Variants in SCN2A observed in about 807,000 individuals in gnomAD.
The protein encoded by SCN2A is sodium voltage-gated channel alpha subunit 2.
Under a neutral mutation model 188.7 loss-of-function variants are expected in SCN2A, and 20 were observed. The observed-to-expected ratio is 0.11, with a 90% CI of 0.07 to 0.15. SCN2A has a LOEUF of 0.15. Ranked by LOEUF, SCN2A falls within the 10% of genes least tolerant of loss-of-function variation. The probability of loss-of-function intolerance (pLI) is 1.00; values close to 1 mark genes in which losing one functional copy is unlikely to be tolerated. For missense variants in SCN2A, 1,278 were observed against 2,445.0 expected, an observed-to-expected ratio of 0.52 and a Z score of 10.07; for synonymous variants, 804 against 833.1, an observed-to-expected ratio of 0.97 and a Z score of 0.60.
intron 25 of SCN2A, 28 bp from the exon 26 acceptor site, chr2:165,386,718 T>A (rs1701894196): frequency 6.2e-7 from 1 of 1,604,428 alleles, no homozygotes; most frequent in African/African-American, 1.3e-5. Context: ...AGGTTTCTAA[T>A]GGAACTTTTA....
At chr2:165,345,196 G>T (rs1442318587) in intron 16 of SCN2A, among the ~76,000 whole-genome samples, 1 of 152,138 alleles carries the variant, frequency 6.6e-6, no homozygotes, top group African/African-American at 2.4e-5. Context: ...GCATGGAAGT[G>T]TTACTTAGAA....
chr2:165,374,540 G>T, intron 21 of SCN2A, 145 bp from the exon 22 acceptor site: 1 of 768,070 alleles, frequency 1.3e-6, no homozygotes, highest in Non-Finnish European at 2.1e-6. Context: ...TTCTTAGTTG[G>T]AGCTACCAGA....
In SCN2A at chr2:165,309,392, T is replaced by C. The variant is rs1038389455; in HGVS notation, c.646T>C (p.Leu216=). 7.4e-6 allele frequency: 12 copies of C among 1,613,754 alleles called. No homozygotes were observed. The highest frequency in any genetic ancestry group is 1.0e-5 in the Non-Finnish European group (12 of 1,179,724). ...TGTGGACCTGGGCAATGTCTCAGCG[T>C]TGAGAACATTCAGAGTTCTCCGAGC... ...EFVDLGNVSA[L]RTFRVLRALK... Residue 216 remains leucine, a synonymous_variant, in exon 6 of 27, where the codon TTG becomes CTG. Coordinates refer to ENST00000375437, the MANE Select transcript of SCN2A (RefSeq NM_001040142.2).
chr2:165,324,452 G>A (rs934654256), intron 12 of SCN2A, among the ~76,000 whole-genome samples: 2 of 152,080 alleles, frequency 1.3e-5, no homozygotes, highest in African/African-American at 4.8e-5. Context: ...TTATAAAATA[G>A]CCATTATCTT....
At chr2:165,320,937 C>A (rs1473808551) in intron 11 of SCN2A, among the ~76,000 whole-genome samples, 1 of 152,208 alleles carries the variant, frequency 6.6e-6, no homozygotes, top group Non-Finnish European at 1.5e-5. Context: ...CAAATTTCTA[C>A]AGCCTGCTTG....
intron 1 of SCN2A, among the ~76,000 whole-genome samples, chr2:165,287,412 G>A (rs1332210187): frequency 1.3e-5 from 2 of 152,072 alleles, no homozygotes; most frequent in Admixed American, 1.3e-4. Flanking sequence ...AAGGTCATAT[G>A]CCAGTTAAAC....
intron 14 of SCN2A, among the ~76,000 whole-genome samples, chr2:165,342,024 G>C (rs1292610597): frequency 6.6e-6 from 1 of 152,092 alleles, no homozygotes; most frequent in Non-Finnish European, 1.5e-5. Flanking sequence ...CCAAACAGTT[G>C]ATCACAATGA....
chr2:165,336,634 G>A (rs748525477), intron 14 of SCN2A, among the ~76,000 whole-genome samples: 4 of 151,876 alleles, frequency 2.6e-5, no homozygotes, highest in Admixed American at 6.6e-5. Flanking sequence ...TTTTTAAGGC[G>A]ATGAAAATGT....
rs1287085904 is a variant in SCN2A at position 165,269,268 on chromosome 2, CAATT to C, written c.-51-26502_-51-26499del. The C allele has an allele frequency of 4.0e-5, 6 of 151,840 alleles. No individual in the cohort carries two copies. In the South Asian group the frequency reaches 8.3e-4, roughly 21 times the overall value. The allele number at this position is 151,840 out of a possible 1,614,324, so 9.4% of individuals were successfully genotyped here. ...GTAAATATATACAATTTTTAATTGT[CAATT>C]AAATATAATTGAAAAATAGAACATA... On this transcript the variant is annotated intron_variant, in intron 1 of 26. Coordinates refer to ENST00000375437, the MANE Select transcript of SCN2A (RefSeq NM_001040142.2).
At chr2:165,253,286 A>T (rs922999577) in intron 1 of SCN2A, among the ~76,000 whole-genome samples, 1 of 152,072 alleles carries the variant, frequency 6.6e-6, no homozygotes, top group African/African-American at 2.4e-5. Context: ...TCTTTCTTCC[A>T]TGAAGTTTAT....
rs191147783 is a variant in SCN2A, at chr2:165,264,749, G to A, written c.-52+25109G>A. 7.9e-5 allele frequency among the ~76,000 whole-genome samples: 12 copies of A among 152,184 alleles called. No homozygotes were observed. In the East Asian group the frequency reaches 2.1e-3, roughly 27 times the overall value. On this transcript the variant is annotated intron_variant, in intron 1 of 26. Transcript: ENST00000375437. ...TTTTCTGTTCCTGTGTTACTTTGCT[G>A]AGGATAATGGCCTCGTGCTCCAACC...
intron 3 of SCN2A, among the ~76,000 whole-genome samples, chr2:165,301,377 C>T (rs1190895888): frequency 6.6e-6 from 1 of 152,078 alleles, no homozygotes; most frequent in African/African-American, 2.4e-5. Context: ...AGCTGAGACC[C>T]TCCCTCCAAA....
At chr2:165,296,275 C>A in intron 2 of SCN2A, 185 bp downstream of exon 2, 3 of 631,588 alleles carry the variant, frequency 4.7e-6, no homozygotes, top group Non-Finnish European at 8.3e-6. Flanking sequence ...TCATTTGAAC[C>A]TGCATTTGTG....
chr2:165,322,855 G>A (rs1380383005), intron 11 of SCN2A, among the ~76,000 whole-genome samples: 1 of 152,130 alleles, frequency 6.6e-6, no homozygotes, highest in Non-Finnish European at 1.5e-5. Context: ...CCCGTAACAG[G>A]ACAAAACATT....
At chr2:165,351,346 G>A (rs1253879912) in intron 16 of SCN2A, among the ~76,000 whole-genome samples, 1 of 152,024 alleles carries the variant, frequency 6.6e-6, no homozygotes, top group Non-Finnish European at 1.5e-5. Flanking sequence ...ATATGTTCCA[G>A]GGATATTTAT....
At chr2:165,330,405 C>A (rs1159472203) in intron 13 of SCN2A, among the ~76,000 whole-genome samples, 4 of 152,150 alleles carry the variant, frequency 2.6e-5, no homozygotes, top group Admixed American at 1.3e-4. Flanking sequence ...CCCCAAATTT[C>A]TTTGCCAATA....
rs1451402785 is a variant in SCN2A, at chr2:165,323,284, C to A, written c.1800C>A (p.Thr600=). ...ENDFADDEHS[T]FEDNDSRRDS... ...ACTTTGCTGATGATGAGCACAGCAC[C>A]TTTGAGGACAATGACAGCCGAAGAG... is the stretch of plus-strand genomic sequence containing the variant. Residue 600 remains threonine (T), a synonymous_variant, in exon 12 of 27, where the codon ACC becomes ACA. Transcript: ENST00000375437. The A allele has an allele frequency of 6.2e-7, 1 of 1,614,196 alleles. No individual in the cohort carries two copies.
At chr2:165,304,025 C>T (rs1363739782) in intron 3 of SCN2A, among the ~76,000 whole-genome samples, 1 of 152,138 alleles carries the variant, frequency 6.6e-6, no homozygotes, top group African/African-American at 2.4e-5. Context: ...AGCATAATTG[C>T]ATAAGGCTGT....
intron 8 of SCN2A, among the ~76,000 whole-genome samples, chr2:165,313,300 A>C (rs1020149558): frequency 2.0e-5 from 3 of 152,112 alleles, no homozygotes; most frequent in Non-Finnish European, 4.4e-5. Context: ...GTGAAAATCA[A>C]CTTTTTCCTT....
Sources: allele counts gnomAD v4.1 joint callset (sites outside exome capture counted in the v4.1 genomes callset), GRCh38; gene constraint gnomAD v4.1.1; transcripts MANE v1.5; gene names NCBI Gene and HGNC (gene_info 2026-07-23, HGNC 2026-07-21).